The following SLIT1 variants were observed in gnomAD, a reference collection of about 807,000 sequenced individuals.
SLIT1 encodes slit guidance ligand 1, also known as slit homolog 1 protein.
Under a neutral mutation model 186.1 loss-of-function variants are expected in SLIT1, and 66 were observed. The ratio of observed to expected loss-of-function variants is 0.35; its 90% CI spans 0.29 to 0.44. The LOEUF is 0.44. Among genes scored for constraint, SLIT1 ranks in the 20% least tolerant of loss-of-function variants. SLIT1 has a pLI of 1.00. For missense variants in SLIT1, 1,638 were observed against 2,037.4 expected (o/e 0.80, Z 3.77); for synonymous variants, 761 against 833.8 (o/e 0.91, Z 1.50).
In SLIT1 at chr10:97,043,223, AG is replaced by A; in HGVS notation, c.1997+146del. ...CAAGAGGACCGGCTCTGAGGACCGGAGGGAGACTTCGAAATGTGGAACCCAC... is the reference window on the plus strand; with the variant it reads ...CAAGAGGACCGGCTCTGAGGACCGGAGGAGACTTCGAAATGTGGAACCCAC... On this transcript the variant is annotated intron_variant, in intron 19 of 36. Transcript: ENST00000266058. This position sits in a 1 kb window ranked among gnomAD's most constrained non-coding sequence, Gnocchi z 7.0. 7.6e-7 allele frequency: 1 copy of A among 1,319,312 alleles called. No individual in the cohort carries two copies. The highest frequency in any genetic ancestry group is 1.1e-6 in the Non-Finnish European group (1 of 940,250). 81.7% of individuals were successfully genotyped at this position (1,319,312 alleles called of 1,614,324 possible).
chr10:97,111,454 G>A (rs2636780), intron 4 of SLIT1, among the ~76,000 whole-genome samples: 73,639 of 151,708 alleles, frequency 0.49, 19,678 homozygotes, highest in South Asian at 0.6. Context: ...GGAAACTAAA[G>A]CTCTGATAGG....
At chr10:97,175,473 G>C (rs1431644473) in intron 1 of SLIT1, among the ~76,000 whole-genome samples, 1 of 152,168 alleles carries the variant, frequency 6.6e-6, no homozygotes, top group Non-Finnish European at 1.5e-5. Flanking sequence ...CCGCCATACT[G>C]TTTTCCATAG....
At chr10:97,096,172 C>T (rs35735029) in intron 4 of SLIT1, among the ~76,000 whole-genome samples, 20,268 of 152,234 alleles carry the variant, frequency 0.13, 1,457 homozygotes, top group African/African-American at 0.15. Flanking sequence ...ACAAAACAGC[C>T]AGCTGCGGCC....
intron 14 of SLIT1, among the ~76,000 whole-genome samples, chr10:97,048,212 A>G (rs1008921364): frequency 2.0e-5 from 3 of 152,176 alleles, no homozygotes; most frequent in African/African-American, 7.2e-5. Flanking sequence ...ACCTCTCGCA[A>G]GGAGTGCCAA....
At chr10:97,081,137 G>A (rs1458665599) in intron 4 of SLIT1, among the ~76,000 whole-genome samples, 4 of 152,338 alleles carry the variant, frequency 2.6e-5, no homozygotes, top group African/African-American at 9.6e-5. Flanking sequence ...GAGGACCAGG[G>A]GTGGGCCTGG....
At chr10:97,169,641 C>T (rs989233816) in intron 1 of SLIT1, among the ~76,000 whole-genome samples, 1 of 152,186 alleles carries the variant, frequency 6.6e-6, no homozygotes, top group Admixed American at 6.5e-5. Flanking sequence ...AGGTCCCAGC[C>T]TCGAGTGTCA....
chr10:97,052,627 T>C (rs1848800191), intron 13 of SLIT1, among the ~76,000 whole-genome samples: 1 of 152,260 alleles, frequency 6.6e-6, no homozygotes, highest in Non-Finnish European at 1.5e-5. Context: ...ATGTAAGTTA[T>C]ACCTCAATAG....
intron 4 of SLIT1, among the ~76,000 whole-genome samples, chr10:97,146,803 T>G (rs1325227718): frequency 2.0e-5 from 3 of 152,120 alleles, no homozygotes; most frequent in Non-Finnish European, 4.4e-5. Flanking sequence ...TTTTTCAGCC[T>G]TCGGACAGTG....
chr10:97,015,547 A>G (rs1317460451), intron 28 of SLIT1, among the ~76,000 whole-genome samples: 1 of 152,264 alleles, frequency 6.6e-6, no homozygotes, highest in Non-Finnish European at 1.5e-5. Flanking sequence ...CTATAAAAAC[A>G]AAACAGGAAA....
intron 30 of SLIT1, 37 bp downstream of exon 30, chr10:97,013,704 G>T: frequency 1.4e-6 from 2 of 1,465,650 alleles, no homozygotes; most frequent in Non-Finnish European, 1.9e-6. Context: ...TCAGGGGCCT[G>T]AGCTCCTCCC....
chr10:97,146,560 C>T (rs183673254), intron 4 of SLIT1, among the ~76,000 whole-genome samples: 13 of 116,744 alleles, frequency 1.1e-4, no homozygotes, highest in African/African-American at 3.5e-4. Context: ...GGTACCCCAG[C>T]CCCCCCCACT....
chr10:97,069,315 C>T (rs907656482), intron 4 of SLIT1, among the ~76,000 whole-genome samples: 1 of 152,222 alleles, frequency 6.6e-6, no homozygotes, highest in East Asian at 1.9e-4. Context: ...AGTGACCGGG[C>T]TGGGCTTGTG....
At chr10:97,117,275 G>C (rs116536689) in intron 4 of SLIT1, among the ~76,000 whole-genome samples, 1 of 124,302 alleles carries the variant, frequency 8.0e-6, no homozygotes, top group Non-Finnish European at 1.9e-5. Context: ...AAAGAGCAAA[G>C]CAGGTAAATT....
intron 4 of SLIT1, chr10:97,153,132 A>T (rs1849899515): frequency 6.6e-6 from 1 of 152,238 alleles, no homozygotes; most frequent in South Asian, 2.1e-4. Context: ...CAGGCTCTTC[A>T]GGGCCCCTAG....
intron 14 of SLIT1, among the ~76,000 whole-genome samples, chr10:97,048,511 C>T (rs932371289): frequency 2.0e-5 from 3 of 152,158 alleles, no homozygotes; most frequent in Admixed American, 2.0e-4. Context: ...GTGGAGGGAC[C>T]TGAGTCCTCC....
At chr10:97,127,167 C>T (rs189046503) in intron 4 of SLIT1, among the ~76,000 whole-genome samples, 309 of 151,600 alleles carry the variant, frequency 2.0e-3, no homozygotes, top group Middle Eastern at 0.01. Flanking sequence ...TGGTGGCGGG[C>T]GCCTGTAATC....
chr10:97,177,591 A>G (rs1850273306), intron 1 of SLIT1, among the ~76,000 whole-genome samples: 1 of 152,214 alleles, frequency 6.6e-6, no homozygotes, highest in African/African-American at 2.4e-5. Flanking sequence ...TAACCATGTT[A>G]AAGTCAAGGT....
chr10:97,022,666 A>G lies in SLIT1; in HGVS notation c.2583-1253T>C, dbSNP rs2134602059. On this transcript the variant is annotated intron_variant, in intron 25 of 36. Transcript: ENST00000266058. This position sits in a 1 kb window ranked among gnomAD's most constrained non-coding sequence, Gnocchi z 4.2. ...GCCTATTTGTAATGGAAAGACTGGA[A>G]ACCCCATGTTCATCAATGGGGAGTG... Among the ~76,000 whole-genome samples, 1 of 152,318 alleles carries G rather than the reference A, an allele frequency of 6.6e-6. No individual in the cohort carries two copies. The highest frequency in any genetic ancestry group is 1.9e-4 in the East Asian group (1 of 5,190).
At chr10:97,167,490 A>G (rs1292931308) in intron 1 of SLIT1, among the ~76,000 whole-genome samples, 2 of 152,248 alleles carry the variant, frequency 1.3e-5, no homozygotes. Flanking sequence ...AACAAGTTAA[A>G]TGGATGTTAG....
Sources: allele counts gnomAD v4.1 joint callset (sites outside exome capture counted in the v4.1 genomes callset), GRCh38; gene constraint gnomAD v4.1.1; non-coding constraint Gnocchi (gnomAD v3.1); transcripts MANE v1.5; gene names NCBI Gene and HGNC (gene_info 2026-07-23, HGNC 2026-07-21).